GALM: variants seen among roughly 807,000 people sequenced by gnomAD.
GALM encodes the protein aldose 1-epimerase.
GALM carries 43 observed loss-of-function variants against 37.4 expected under a neutral mutation model. That is an observed-to-expected ratio of 1.15 (90% CI 0.90 to 1.48). The LOEUF (loss-of-function observed/expected upper bound fraction) is 1.48. GALM is among the 40% of genes most tolerant of loss of function. The pLI is 0.00. For synonymous variants in GALM, 199 were observed against 170.6 expected, an observed-to-expected ratio of 1.17 and a Z score of -1.30; for missense variants, 456 against 419.1, an observed-to-expected ratio of 1.09 and a Z score of -0.77.
At chr2:38,710,319 T>C (rs552244260) in intron 4 of GALM, among the ~76,000 whole-genome samples, 1 of 152,286 alleles carries the variant, frequency 6.6e-6, no homozygotes, top group East Asian at 1.9e-4. Flanking sequence ...TATCCAGTGT[T>C]TGAGTCCCAG....
At chr2:38,671,689 A>G (rs1558575909) in intron 1 of GALM, among the ~76,000 whole-genome samples, 1 of 152,162 alleles carries the variant, frequency 6.6e-6, no homozygotes. Context: ...TGCTGTGCTT[A>G]AATTCTTAAA....
intron 1 of GALM, among the ~76,000 whole-genome samples, chr2:38,667,429 G>T (rs192786726): frequency 6.6e-6 from 1 of 151,158 alleles, no homozygotes; most frequent in Non-Finnish European, 1.5e-5. Context: ...AATTAGCTGA[G>T]CATGGTGGCA....
At chr2:38,687,724 AAG>A (rs1414631272) in intron 3 of GALM, among the ~76,000 whole-genome samples, 1 of 151,986 alleles carries the variant, frequency 6.6e-6, no homozygotes, top group African/African-American at 2.4e-5. Flanking sequence ...AAAAAAAAAA[AAG>A]AGAATCGTAG....
At chr2:38,725,345 C>T (rs1221779714) in intron 4 of GALM, among the ~76,000 whole-genome samples, 6 of 149,510 alleles carry the variant, frequency 4.0e-5, no homozygotes, top group East Asian at 4.0e-4. Context: ...AACCAGCCTG[C>T]GCAACAAAGT....
intron 3 of GALM, among the ~76,000 whole-genome samples, chr2:38,687,712 GAAA>G (rs79038557): frequency 1.5e-5 from 2 of 132,972 alleles, no homozygotes. Flanking sequence ...CTCTGCCTCC[GAAA>G]AAAAAAAAAA....
rs1665097645 is a variant in GALM at position 38,671,461 on chromosome 2, G to GAAATTGCCACTTTTA, written c.191-4448_191-4434dup. The GAAATTGCCACTTTTA allele has an allele frequency of 2.0e-5, 3 of 152,242 alleles. No individual in the cohort carries two copies. In the South Asian group the frequency reaches 6.2e-4, roughly 32 times the overall value. 9.4% of individuals were successfully genotyped at this position (152,242 alleles called of 1,614,324 possible). The stretch of plus-strand genomic sequence containing the variant: ...AGTAGGAGAGAGACAGAAAGGAGGG[G>GAAATTGCCACTTTTA]AAATTGCCACTTTTAAATCATCAGC... On this transcript the variant is annotated intron_variant, in intron 1 of 6. Coordinates refer to ENST00000272252, the MANE Select transcript of GALM (RefSeq NM_138801.3).
At chr2:38,666,978 A>T (rs972671495) in intron 1 of GALM, among the ~76,000 whole-genome samples, 1 of 152,206 alleles carries the variant, frequency 6.6e-6, no homozygotes, top group African/African-American at 2.4e-5. Context: ...AATTAGGATC[A>T]GGCATTAATT....
At chr2:38,720,511 T>A (rs918476191) in intron 4 of GALM, among the ~76,000 whole-genome samples, 1 of 151,322 alleles carries the variant, frequency 6.6e-6, no homozygotes, top group Non-Finnish European at 1.5e-5. Context: ...AAGTCAGTGC[T>A]AGGAGGTGAA....
intron 4 of GALM, among the ~76,000 whole-genome samples, chr2:38,699,587 G>T (rs1191779781): frequency 1.3e-5 from 2 of 152,124 alleles, no homozygotes; most frequent in East Asian, 3.9e-4. Flanking sequence ...GGAGGCCGAG[G>T]TGGACTGATC....
chr2:38,705,532 C>T (rs544054127), intron 4 of GALM, among the ~76,000 whole-genome samples: 2 of 152,282 alleles, frequency 1.3e-5, no homozygotes, highest in East Asian at 1.9e-4. Flanking sequence ...TCAAGATTGT[C>T]CTGAGCTGTG....
chr2:38,678,258 C>A (rs988006104), intron 2 of GALM, among the ~76,000 whole-genome samples: 3 of 152,146 alleles, frequency 2.0e-5, no homozygotes, highest in Non-Finnish European at 4.4e-5. Context: ...GATTCACCCA[C>A]CTCGGCCTCC....
At chr2:38,730,780 G>T (rs1323479203) in intron 5 of GALM, among the ~76,000 whole-genome samples, 2 of 151,776 alleles carry the variant, frequency 1.3e-5, no homozygotes, top group African/African-American at 2.4e-5. Context: ...AATTAGCCAG[G>T]CATGGTGGTG....
At chr2:38,686,126 C>T (rs2148432527) in intron 3 of GALM, among the ~76,000 whole-genome samples, 1 of 151,714 alleles carries the variant, frequency 6.6e-6, no homozygotes, top group South Asian at 2.1e-4. Context: ...TAGGCTTCTT[C>T]CTAAATCTCA....
intron 1 of GALM, chr2:38,668,076 T>C (rs996171853): frequency 2.6e-5 from 4 of 152,246 alleles, no homozygotes; most frequent in African/African-American, 2.4e-5. Flanking sequence ...CCATGTTCCA[T>C]TGGACCTAAG....
chr2:38,677,792 TAA>T (rs1665294887), intron 2 of GALM, among the ~76,000 whole-genome samples: 1 of 152,004 alleles, frequency 6.6e-6, no homozygotes, highest in Non-Finnish European at 1.5e-5. Flanking sequence ...GCTCACAGTA[TAA>T]AGAGGGAGAT....
intron 1 of GALM, chr2:38,669,572 T>C (rs1289786372): frequency 6.6e-6 from 1 of 152,198 alleles, no homozygotes; most frequent in Non-Finnish European, 1.5e-5. Flanking sequence ...TATGAGTTTT[T>C]CAACCTTTTT....
chr2:38,729,814 A>G (rs893781041), intron 5 of GALM, 117 bp downstream of exon 5: 13 of 780,580 alleles, frequency 1.7e-5, no homozygotes, highest in Admixed American at 4.5e-5. Flanking sequence ...AAGTGACCCA[A>G]TACCACATCC....
rs867672437 is a variant in GALM at position 38,675,531 on chromosome 2, T to G, written c.191-381T>G. 7.5e-3 allele frequency among the ~76,000 whole-genome samples: 564 copies of G among 75,106 alleles called. 9 individuals are homozygous for G. Among genetic ancestry groups the G allele is most frequent in the African/African-American group, 0.047 (530 of 11,380 alleles). The allele number at this position is 75,106 out of a possible 152,430, so 49.3% of individuals were successfully genotyped here. ...TTTGGATTGAGGGTTTTTTTGTTTTTTTTTTTTTTTTTTGTGTGTGTGTGT... is the reference window on the plus strand; with the variant it reads ...TTTGGATTGAGGGTTTTTTTGTTTTGTTTTTTTTTTTTTGTGTGTGTGTGT... On this transcript the variant is annotated intron_variant, in intron 1 of 6. Coordinates refer to ENST00000272252, the MANE Select transcript of GALM (RefSeq NM_138801.3).
chr2:38,681,227 C>A, intron 2 of GALM, 53 bp from the exon 3 acceptor site: 1 of 1,280,126 alleles, frequency 7.8e-7, no homozygotes, highest in Non-Finnish European at 1.1e-6. Context: ...TGAAATATGG[C>A]ATTTAGCTTG....
Sources: allele counts gnomAD v4.1 joint callset (sites outside exome capture counted in the v4.1 genomes callset), GRCh38; gene constraint gnomAD v4.1.1; transcripts MANE v1.5; gene names NCBI Gene and HGNC (gene_info 2026-07-23, HGNC 2026-07-21).